Variants in HFM1 observed in about 807,000 individuals in gnomAD.
HFM1 encodes helicase for meiosis 1.
HFM1 carries 169 observed loss-of-function variants against 192.1 expected under a neutral mutation model. The ratio of observed to expected loss-of-function variants is 0.88; its 90% confidence interval spans 0.78 to 1.00. The LOEUF (loss-of-function observed/expected upper bound fraction) is 1.00, where lower values mean the gene tolerates loss of function less well. HFM1 is among the 50% of genes least tolerant of loss of function. HFM1 has a pLI of 0.00. For synonymous variants in HFM1, 525 were observed against 537.8 expected (o/e 0.98, Z 0.33); for missense variants, 1,661 against 1,668.0 (o/e 1.00, Z 0.07).
chr1:91,348,945 T>C lies in HFM1; in HGVS notation c.2207-1469A>G, dbSNP rs529159395. 1.3e-4 allele frequency among the ~76,000 whole-genome samples: 20 copies of C among 150,794 alleles called. No homozygotes were observed. The East Asian group carries it at 2.9e-3, about 22-fold the overall frequency. On this transcript the variant is annotated intron_variant, in intron 18 of 38. Transcript: ENST00000370425. ...TCTCAAAAAAGCTTCCAAGACATACTAAGAAAAAAAGGAATGTGCAGAAGA... is the reference window on the plus strand; with the variant it reads ...TCTCAAAAAAGCTTCCAAGACATACCAAGAAAAAAAGGAATGTGCAGAAGA...
chr1:91,262,470 C>T lies in HFM1; in HGVS notation c.4086+11G>A, dbSNP rs1171669464. The T allele has an allele frequency of 1.3e-6, 2 of 1,566,706 alleles. No homozygotes were observed. Among genetic ancestry groups the T allele is most frequent in the South Asian group, 1.2e-5 (1 of 86,784 alleles). ...AATTTAAAAGAAAAACAAAGAAGTG[C>T]TTCTTCTTACAATAACTGCATTTCC... is the stretch of plus-strand genomic sequence containing the variant. On this transcript the variant is annotated intron_variant, in intron 37 of 38. Transcript: ENST00000370425.
chr1:91,266,161 G>C, intron 35 of HFM1, 54 bp from the exon 36 acceptor site: 2 of 1,410,134 alleles, frequency 1.4e-6, no homozygotes, highest in Non-Finnish European at 2.0e-6. Flanking sequence ...GCTGAATGAA[G>C]CTTTTCACAA....
intron 30 of HFM1, among the ~76,000 whole-genome samples, chr1:91,308,233 G>A (rs577950771): frequency 6.6e-6 from 1 of 152,164 alleles, no homozygotes; most frequent in East Asian, 1.9e-4. Context: ...TTATGCATAT[G>A]TTAGACCTTT....
intron 21 of HFM1, among the ~76,000 whole-genome samples, chr1:91,323,895 T>G (rs1324624199): frequency 2.6e-5 from 4 of 152,216 alleles, no homozygotes; most frequent in Admixed American, 6.5e-5. Flanking sequence ...GACTCCTCAA[T>G]CATAACTGGA....
intron 32 of HFM1, 91 bp downstream of exon 32, chr1:91,276,537 T>C (rs566163719): frequency 5.0e-5 from 28 of 554,852 alleles, no homozygotes; most frequent in South Asian, 4.4e-4. Context: ...AATTCTATAG[T>C]ACACTGTGGA....
chr1:91,343,842 C>CAT (rs1389412566), intron 19 of HFM1, among the ~76,000 whole-genome samples: 1 of 152,148 alleles, frequency 6.6e-6, no homozygotes, highest in Non-Finnish European at 1.5e-5. Flanking sequence ...CCGATATTTT[C>CAT]ATATATAGGT....
rs753599200 is a variant in HFM1, at chr1:91,323,136, T to A, written c.2491A>T (p.Thr831Ser). 1 of 1,594,534 alleles carries A rather than the reference T, an allele frequency of 6.3e-7. No homozygotes were observed. The highest frequency in any genetic ancestry group is 2.3e-5 in the East Asian group (1 of 44,418). ...DIQLRINEKK[T>S]LNTLNKDPNR... is the part of the protein sequence containing the mutation. ...GGATCTTTGTTCAAAGTATTCAGTG[T>A]TTTCTTTTCATTTATCCTTAACTGT... Residue 831 changes from threonine (T) to serine (S), a missense_variant, in exon 22 of 39, where the codon ACA becomes TCA. Thr to Ser is a moderately conservative substitution (Grantham distance 58). Transcript: ENST00000370425.
rs571898724 is a variant in HFM1, at chr1:91,288,996, G to A, written c.3392-11934C>T. Among the ~76,000 whole-genome samples the A allele has an allele frequency of 2.3e-3, 350 of 150,878 alleles. 2 individuals carry two copies. Among genetic ancestry groups the A allele is most frequent in the African/African-American group, 8.0e-3 (329 of 41,108 alleles). On this transcript the variant is annotated intron_variant, in intron 30 of 38. Transcript: ENST00000370425. ...ACCTCCCGGACGGGGCGGCTGGTCA[G>A]GTGGGGGCTACCCCCCACCTCCCGG...
chr1:91,263,939 G>T (rs940066915), intron 36 of HFM1, among the ~76,000 whole-genome samples: 1 of 152,070 alleles, frequency 6.6e-6, no homozygotes, highest in African/African-American at 2.4e-5. Context: ...CATATGCCTT[G>T]TTACCTTCCT....
intron 30 of HFM1, among the ~76,000 whole-genome samples, chr1:91,291,875 C>T (rs1394188455): frequency 6.6e-6 from 1 of 152,156 alleles, no homozygotes; most frequent in Non-Finnish European, 1.5e-5. Context: ...GGCTTCATCC[C>T]TGGGATGCAA....
At chr1:91,351,274 CAT>C (rs1340316363) in intron 17 of HFM1, among the ~76,000 whole-genome samples, 8 of 151,668 alleles carry the variant, frequency 5.3e-5, no homozygotes, top group Non-Finnish European at 1.0e-4. Flanking sequence ...TAAATTATAA[CAT>C]AATCATAATT....
Position 91,272,666 on chromosome 1 carries a change from C to T in HFM1, c.3772+1046G>A, listed in dbSNP as rs149724640. On this transcript the variant is annotated intron_variant, in intron 34 of 38. Coordinates refer to ENST00000370425, the MANE Select transcript of HFM1 (RefSeq NM_001017975.6). Reference sequence around the variant, plus strand: ...GGTTGACAATTTTATACTTCCTATCCGCTTTGTAATGACATCCAGGCTTTG... The same window carrying T: ...GGTTGACAATTTTATACTTCCTATCTGCTTTGTAATGACATCCAGGCTTTG... 1.6e-3 allele frequency among the ~76,000 whole-genome samples: 242 copies of T among 152,008 alleles called. 1 individual carries two copies. The highest frequency in any genetic ancestry group is 3.0e-3 in the Admixed American group (46 of 15,238).
At chr1:91,298,403 G>A (rs1648061302) in intron 30 of HFM1, among the ~76,000 whole-genome samples, 1 of 152,254 alleles carries the variant, frequency 6.6e-6, no homozygotes, top group South Asian at 2.1e-4. Context: ...ATCTAGCAAG[G>A]CAGGCCACAT....
chr1:91,299,890 C>T (rs1024898658), intron 30 of HFM1, among the ~76,000 whole-genome samples: 1 of 152,020 alleles, frequency 6.6e-6, no homozygotes, highest in Non-Finnish European at 1.5e-5. Context: ...GAAGTAAGAG[C>T]AAACACATTC....
chr1:91,299,962 CA>C (rs1172394980), intron 30 of HFM1, among the ~76,000 whole-genome samples: 2 of 151,948 alleles, frequency 1.3e-5, no homozygotes, highest in Non-Finnish European at 2.9e-5. Flanking sequence ...AATAGAGACA[CA>C]AAAAACCCTT....
intron 18 of HFM1, among the ~76,000 whole-genome samples, chr1:91,349,703 A>G (rs1656671433): frequency 6.6e-6 from 1 of 152,224 alleles, no homozygotes. Flanking sequence ...ATATGTTGCA[A>G]TCTGAAGAGA....
chr1:91,361,479 C>A (rs931062504), intron 13 of HFM1, among the ~76,000 whole-genome samples: 1 of 152,056 alleles, frequency 6.6e-6, no homozygotes, highest in African/African-American at 2.4e-5. Flanking sequence ...CCTGGACACA[C>A]ACTCTCTTCC....
Position 91,378,402 on chromosome 1 carries a change from C to T in HFM1, c.1236+1G>A, listed in dbSNP as rs1312693780. 6.3e-7 allele frequency: 1 copy of T among 1,587,268 alleles called. No individual in the cohort carries two copies. The highest frequency in any genetic ancestry group is 8.6e-7 in the Non-Finnish European group (1 of 1,158,294). On this transcript the variant is annotated splice_donor_variant, in intron 10 of 38. Transcript: ENST00000370425. LOFTEE classifies it high-confidence loss of function. Reference sequence around the variant, plus strand: ...TCTCTGAAAGCGAATGCATTCATTACCTCATCAATGAGAAACAGTCGAACC... The same window carrying T: ...TCTCTGAAAGCGAATGCATTCATTATCTCATCAATGAGAAACAGTCGAACC...
At chr1:91,293,383 G>A (rs897751524) in intron 30 of HFM1, among the ~76,000 whole-genome samples, 35 of 152,100 alleles carry the variant, frequency 2.3e-4, no homozygotes, top group African/African-American at 8.2e-4. Context: ...CAAAAAGTGG[G>A]CAAAGGACAT....
Sources: allele counts gnomAD v4.1 joint callset (sites outside exome capture counted in the v4.1 genomes callset), GRCh38; gene constraint gnomAD v4.1.1; transcripts MANE v1.5; gene names NCBI Gene and HGNC (gene_info 2026-07-23, HGNC 2026-07-21).